TOMM70: variants seen among roughly 807,000 people sequenced by gnomAD.
TOMM70 encodes the protein translocase of outer mitochondrial membrane 70, also known as mitochondrial import receptor subunit TOM70.
TOMM70 carries 13 observed loss-of-function variants against 73.6 expected under a neutral mutation model. The ratio of observed to expected loss-of-function variants is 0.18; its 90% CI spans 0.11 to 0.28. The LOEUF is 0.28. TOMM70 is among the 10% of genes least tolerant of loss of function. TOMM70 has a pLI of 1.00. For missense variants in TOMM70, 609 were observed against 747.5 expected (o/e 0.81, Z 2.16); for synonymous variants, 257 against 271.2 (o/e 0.95, Z 0.51).
chr3:100,374,987 G>A (rs770837618), intron 7 of TOMM70, 31 bp downstream of exon 7: 1 of 1,544,934 alleles, frequency 6.5e-7, no homozygotes, highest in Non-Finnish European at 8.7e-7. Context: ...CAATCCACAA[G>A]TCAGACCTCT....
Position 100,365,307 on chromosome 3 carries a change from CTT to C in TOMM70, c.*255_*256del, listed in dbSNP as rs1706436902. On this transcript the variant is annotated 3_prime_UTR_variant, in exon 12 of 12. Coordinates refer to ENST00000284320, the MANE Select transcript of TOMM70 (RefSeq NM_014820.5). The stretch of plus-strand genomic sequence containing the variant: ...TGCATGGCCAATTATCATTTGTACT[CTT>C]TGCAACTTTATTTAAAAATCCCTTT... 3 of 412,588 alleles carry C rather than the reference CTT, an allele frequency of 7.3e-6. No individual in the cohort carries two copies. Among genetic ancestry groups the C allele is most frequent in the Non-Finnish European group, 1.3e-5 (3 of 233,624 alleles). 25.6% of individuals were successfully genotyped at this position (412,588 alleles called of 1,614,324 possible).
In TOMM70 at chr3:100,391,600, C is replaced by G. The variant is rs372264761; in HGVS notation, c.325-4622G>C. Among the ~76,000 whole-genome samples the G allele has an allele frequency of 1.3e-4, 20 of 152,234 alleles. No homozygotes were observed. The East Asian group carries it at 1.5e-3, about 12-fold the overall frequency. On this transcript the variant is annotated intron_variant, in intron 1 of 11. Transcript: ENST00000284320. The stretch of plus-strand genomic sequence containing the variant: ...CTGTACAATGTGCTTGTGTTTTAAG[C>G]TAAGTGTTACTTATTTTTTAAGAGA...
chr3:100,378,961 C>T (rs1447021285), intron 5 of TOMM70, among the ~76,000 whole-genome samples: 1 of 152,178 alleles, frequency 6.6e-6, no homozygotes, highest in South Asian at 2.1e-4. Context: ...GAGCTGAGAT[C>T]GCGCCACTAC....
chr3:100,399,554 A>C (rs887721979), intron 1 of TOMM70, among the ~76,000 whole-genome samples: 3 of 152,148 alleles, frequency 2.0e-5, no homozygotes, highest in African/African-American at 7.2e-5. Context: ...CAGATACCAA[A>C]AGGATTTAAC....
intron 7 of TOMM70, 162 bp from the exon 8 acceptor site, chr3:100,373,807 AAAGGC>A (rs1559830939): frequency 5.8e-6 from 3 of 516,698 alleles, no homozygotes; most frequent in Non-Finnish European, 1.0e-5. Flanking sequence ...TTGAAATTTA[AAAGGC>A]AAGATTCCAA....
Position 100,364,651 on chromosome 3 carries a change from GCTCCTGGTCTCAAGCCT to G in TOMM70, c.*896_*912del, listed in dbSNP as rs1706428625. The G allele has an allele frequency of 6.6e-6, 1 of 152,132 alleles. No homozygotes were observed. The highest frequency in any genetic ancestry group is 1.5e-5 in the Non-Finnish European group (1 of 68,034). The allele number at this position is 152,132 out of a possible 1,614,324, so 9.4% of individuals were successfully genotyped here. A position where few individuals can be genotyped will look rare whatever the true frequency, so the allele number is the denominator to read the frequency against. ...TCATCATGGCACATTACAGCCTCGAGCTCCTGGTCTCAAGCCTCTTGCCTCAGCCTCCCTAGTAGCTG... is the reference window on the plus strand; with the variant it reads ...TCATCATGGCACATTACAGCCTCGAGCTTGCCTCAGCCTCCCTAGTAGCTG... On this transcript the variant is annotated 3_prime_UTR_variant, in exon 12 of 12. Transcript: ENST00000284320.
intron 10 of TOMM70, 114 bp downstream of exon 10, chr3:100,368,924 G>T: frequency 1.4e-6 from 1 of 714,148 alleles, no homozygotes; most frequent in African/African-American, 1.8e-5. Flanking sequence ...GCATTAAGAA[G>T]TTTGTCAATT....
chr3:100,378,513 C>T (rs1367979006), intron 5 of TOMM70, among the ~76,000 whole-genome samples: 1 of 152,116 alleles, frequency 6.6e-6, no homozygotes, highest in Non-Finnish European at 1.5e-5. Context: ...CATTTAGATA[C>T]TGAAAAGATG....
intron 1 of TOMM70, among the ~76,000 whole-genome samples, chr3:100,389,999 C>A (rs1706740558): frequency 6.6e-6 from 1 of 152,114 alleles, no homozygotes; most frequent in Non-Finnish European, 1.5e-5. Context: ...GAGATCACAC[C>A]ACTGCACTCC....
chr3:100,382,610 A>G (rs1319374303), intron 4 of TOMM70, among the ~76,000 whole-genome samples: 2 of 152,238 alleles, frequency 1.3e-5, no homozygotes, highest in Admixed American at 1.3e-4. Context: ...GAATAAATAC[A>G]TAGTGGCAAT....
In TOMM70 at chr3:100,381,734, C is replaced by G. The variant is rs768876765; in HGVS notation, c.765G>C (p.Gln255His). 6.2e-7 allele frequency: 1 copy of G among 1,608,706 alleles called. No individual in the cohort carries two copies. Among genetic ancestry groups the G allele is most frequent in the Non-Finnish European group, 8.5e-7 (1 of 1,176,952 alleles). ...KNREPLMPSP[Q>H]FIKSYFSSFT... The stretch of plus-strand genomic sequence containing the variant: ...AAGAACTGAAGTAAGATTTGATAAA[C>G]TGTGGAGATGGCATCAGAGGTTCAC... The change falls in exon 5 of 12, where the codon CAG becomes CAC. Residue 255 changes from glutamine (Q) to histidine (H), a missense_variant. Coordinates refer to ENST00000284320, the MANE Select transcript of TOMM70 (RefSeq NM_014820.5).
At chr3:100,397,400 GT>G (rs1706837188) in intron 1 of TOMM70, among the ~76,000 whole-genome samples, 3 of 152,158 alleles carry the variant, frequency 2.0e-5, no homozygotes, top group Admixed American at 1.3e-4. Flanking sequence ...CCTTCCTATT[GT>G]TGCTTTACCA....
Position 100,384,494 on chromosome 3 carries a change from G to A in TOMM70, c.720C>T (p.Ala240=). 6.2e-7 allele frequency: 1 copy of A among 1,605,838 alleles called. No individual in the cohort carries two copies. Among genetic ancestry groups the A allele is most frequent in the Non-Finnish European group, 8.5e-7 (1 of 1,176,856 alleles). The change falls in exon 4 of 12, where the codon GCC becomes GCT. Residue 240 remains alanine (A), a synonymous_variant. Coordinates refer to ENST00000284320, the MANE Select transcript of TOMM70 (RefSeq NM_014820.5). ...KVLKLLGKEK[A]KEKYKNREPL... The stretch of plus-strand genomic sequence containing the variant: ...ATCAATTTACCTTATATTTTTCTTT[G>A]GCTTTCTCTTTTCCAAGGAGTTTAA...
chr3:100,366,058 A>G (rs1216319019), intron 11 of TOMM70, among the ~76,000 whole-genome samples: 1 of 152,218 alleles, frequency 6.6e-6, no homozygotes, highest in Non-Finnish European at 1.5e-5. Context: ...TTAAAATCAC[A>G]ATTCCGTCTG....
chr3:100,387,906 G>T (rs933731709), intron 1 of TOMM70, among the ~76,000 whole-genome samples: 1 of 152,130 alleles, frequency 6.6e-6, no homozygotes, highest in East Asian at 1.9e-4. Context: ...AAAGGCTGCA[G>T]TACTTTAAAG....
intron 4 of TOMM70, among the ~76,000 whole-genome samples, chr3:100,384,003 A>G (rs573229861): frequency 1.3e-5 from 2 of 152,356 alleles, no homozygotes; most frequent in East Asian, 3.9e-4. Flanking sequence ...CCTGTTAATA[A>G]TAGCCTAAAA....
At chr3:100,372,763 A>G (rs765896520) in intron 8 of TOMM70, 41 bp from the exon 9 acceptor site, 1 of 1,490,264 alleles carries the variant, frequency 6.7e-7, no homozygotes, top group African/African-American at 1.4e-5. Context: ...CAAGAACTCA[A>G]AAACTCATGG....
In TOMM70 at chr3:100,400,721, G is replaced by A; in HGVS notation, c.229C>T (p.Leu77=). 1 of 1,608,952 alleles carries A rather than the reference G, an allele frequency of 6.2e-7. No homozygotes were observed. Among genetic ancestry groups the A allele is most frequent in the Non-Finnish European group, 8.5e-7 (1 of 1,178,936 alleles). ...EARGRGDASG[L]KRNSERKTPE... ...GTCTTCCGTTCGCTGTTGCGCTTCAGGCCGCTGGCGTCGCCCCGGCCTCTG... is the reference window on the plus strand; with the variant it reads ...GTCTTCCGTTCGCTGTTGCGCTTCAAGCCGCTGGCGTCGCCCCGGCCTCTG... Residue 77 remains leucine (L), a synonymous_variant, in exon 1 of 12, where the codon CTG becomes TTG. Coordinates refer to ENST00000284320, the MANE Select transcript of TOMM70 (RefSeq NM_014820.5).
At chr3:100,397,657 A>G (rs547069999) in intron 1 of TOMM70, among the ~76,000 whole-genome samples, 74 of 152,160 alleles carry the variant, frequency 4.9e-4, no homozygotes, top group Non-Finnish European at 9.0e-4. Context: ...TTGGGAGGCC[A>G]AGGCGGGTGA....
Sources: gnomAD v4.1 joint callset for allele counts (sites outside exome capture counted in the v4.1 genomes callset) on GRCh38, gnomAD v4.1.1 for gene constraint, MANE v1.5 for transcripts, NCBI Gene and HGNC (gene_info 2026-07-23, HGNC 2026-07-21) for gene names.